Variants in MEP1A observed in about 807,000 individuals in gnomAD.
The protein encoded by MEP1A is N-benzoyl-L-tyrosyl-P-amino-benzoic acid hydrolase subunit alpha.
MEP1A carries 68 observed loss-of-function variants against 84.5 expected under a neutral mutation model. The observed-to-expected ratio is 0.80, with a 90% CI of 0.66 to 0.98. MEP1A has a LOEUF of 0.98. Ranked by LOEUF, MEP1A falls within the 50% of genes least tolerant of loss-of-function variation. The probability of loss-of-function intolerance (pLI) is 0.00; values close to 1 mark genes in which losing one functional copy is unlikely to be tolerated. For synonymous variants in MEP1A, 337 were observed against 336.8 expected, an observed-to-expected ratio of 1.00 and a Z score of -0.01; for missense variants, 887 against 919.9, an observed-to-expected ratio of 0.96 and a Z score of 0.46.
intron 9 of MEP1A, 136 bp downstream of exon 9, chr6:46,826,639 T>G: frequency 1.4e-6 from 1 of 712,700 alleles, no homozygotes; most frequent in Non-Finnish European, 2.1e-6. Flanking sequence ...AAAACATTTC[T>G]TATATCTTCA....
At chr6:46,831,248 C>T (rs1404476856) in intron 10 of MEP1A, among the ~76,000 whole-genome samples, 2 of 152,094 alleles carry the variant, frequency 1.3e-5, no homozygotes, top group Admixed American at 6.5e-5. Flanking sequence ...ATTTGAATAG[C>T]TTTTAAGTTT....
At chr6:46,796,983 T>C (rs527624262) in intron 3 of MEP1A, among the ~76,000 whole-genome samples, 1 of 152,362 alleles carries the variant, frequency 6.6e-6, no homozygotes, top group African/African-American at 2.4e-5. Context: ...TTAATCGTAC[T>C]GCTACCATAA....
At chr6:46,838,392 A>T (rs1210133435) in intron 13 of MEP1A, among the ~76,000 whole-genome samples, 1 of 152,210 alleles carries the variant, frequency 6.6e-6, no homozygotes, top group African/African-American at 2.4e-5. Flanking sequence ...GCTGGCCATT[A>T]TGTGCTTACT....
Position 46,833,002 on chromosome 6 carries a change from T to C in MEP1A, c.1145-72T>C. On this transcript the variant is annotated intron_variant, in intron 10 of 13. Transcript: ENST00000230588. ...ATAATTTATGGAAAGCACATGGCAC[T>C]GTGCCAAACTCATAATAAGTACTCA... 6 of 830,156 alleles carry C rather than the reference T, an allele frequency of 7.2e-6. No individual in the cohort carries two copies. The East Asian group carries it at 1.2e-4, about 17-fold the overall frequency. 51.4% of individuals were successfully genotyped at this position (830,156 alleles called of 1,614,324 possible).
In MEP1A at chr6:46,799,138, C is replaced by T; in HGVS notation, c.219C>T (p.Thr73=). 6.2e-7 allele frequency: 1 copy of T among 1,613,266 alleles called. No individual in the cohort carries two copies. The highest frequency in any genetic ancestry group is 2.2e-5 in the East Asian group (1 of 44,860). ...KSRNGLRDPN[T]RWTFPIPYIL... is the part of the protein sequence containing the mutation. ...GAAATGGCCTGAGAGACCCAAACAC[C>T]AGGTGGACGTTCCCCATTCCTTACA... Residue 73 remains threonine (T), a synonymous_variant, in exon 5 of 14, where the codon ACC becomes ACT. Coordinates refer to ENST00000230588, the MANE Select transcript of MEP1A (RefSeq NM_005588.3).
chr6:46,800,926 C>T lies in MEP1A; in HGVS notation c.262+1745C>T, dbSNP rs148038267. 4.7e-4 allele frequency among the ~76,000 whole-genome samples: 71 copies of T among 152,250 alleles called. 1 individual carries two copies. In the East Asian group the frequency reaches 8.7e-3, roughly 19 times the overall value. ...TACCATAGTATTTGTTTTATAAATACTATGTGTCTGGCTTCTTTGACTTAT... is the reference window on the plus strand; with the variant it reads ...TACCATAGTATTTGTTTTATAAATATTATGTGTCTGGCTTCTTTGACTTAT... On this transcript the variant is annotated intron_variant, in intron 5 of 13. Transcript: ENST00000230588.
chr6:46,833,385 T>A lies in MEP1A; in HGVS notation c.1456T>A (p.Phe486Ile). 1 of 1,614,168 alleles carries A rather than the reference T, an allele frequency of 6.2e-7. No homozygotes were observed. The highest frequency in any genetic ancestry group is 8.5e-7 in the Non-Finnish European group (1 of 1,180,026). ...AAGCTCTGGTTACTTGAGACTTGCT[T>A]TTCATGTGTGCAGTGGGGAGAACGA... ...RESSGYLRLAFHVCSGENDAI... is the reference protein window; with the variant it reads ...RESSGYLRLAIHVCSGENDAI... Residue 486 changes from phenylalanine (F) to isoleucine (I), a missense_variant, in exon 11 of 14, where the codon TTT (phenylalanine) becomes ATT (isoleucine). Transcript: ENST00000230588.
At chr6:46,814,309 A>G (rs1448600037) in intron 6 of MEP1A, among the ~76,000 whole-genome samples, 4 of 151,940 alleles carry the variant, frequency 2.6e-5, no homozygotes, top group Admixed American at 1.3e-4. Flanking sequence ...GAGCACTAAG[A>G]TTCTTTCTTC....
At chr6:46,801,312 T>G (rs1174701114) in intron 5 of MEP1A, among the ~76,000 whole-genome samples, 1 of 152,132 alleles carries the variant, frequency 6.6e-6, no homozygotes, top group Non-Finnish European at 1.5e-5. Flanking sequence ...TTATAGCCAT[T>G]TTAGTAGTTG....
intron 12 of MEP1A, 61 bp downstream of exon 12, chr6:46,834,812 T>A (rs1476600384): frequency 1.5e-6 from 2 of 1,355,792 alleles, no homozygotes; most frequent in African/African-American, 2.9e-5. Context: ...ACTGATTTTA[T>A]CCTGATTTTT....
At chr6:46,831,171 C>T (rs570018495) in intron 10 of MEP1A, among the ~76,000 whole-genome samples, 296 of 152,136 alleles carry the variant, frequency 1.9e-3, no homozygotes, top group African/African-American at 6.7e-3. Flanking sequence ...TGAAACTTTT[C>T]AAAAAGGTTA....
At chr6:46,834,887 C>T (rs1327922177) in intron 12 of MEP1A, 136 bp downstream of exon 12, 1 of 657,044 alleles carries the variant, frequency 1.5e-6, no homozygotes, top group African/African-American at 1.8e-5. Context: ...ACATTTTATT[C>T]AATTGGTCAA....
intron 5 of MEP1A, among the ~76,000 whole-genome samples, chr6:46,807,203 T>C (rs1393233889): frequency 1.3e-5 from 2 of 152,002 alleles, no homozygotes; most frequent in African/African-American, 4.8e-5. Context: ...TTAACTCTTC[T>C]TATATTATTT....
intron 5 of MEP1A, among the ~76,000 whole-genome samples, chr6:46,805,399 G>T (rs999448833): frequency 6.6e-6 from 1 of 151,804 alleles, no homozygotes; most frequent in African/African-American, 2.4e-5. Context: ...TTTCCATTAT[G>T]ACTAGTAATG....
the MEP1A span, among the ~76,000 whole-genome samples, chr6:46,845,007 C>T: frequency 6.6e-6 from 1 of 152,214 alleles, no homozygotes; most frequent in South Asian, 2.1e-4. Flanking sequence ...AGTCTTGCTA[C>T]CATGTAAGAC....
At chr6:46,821,270 A>T (rs75455270) in intron 7 of MEP1A, among the ~76,000 whole-genome samples, 5,976 of 152,206 alleles carry the variant, frequency 0.039, 418 homozygotes, top group African/African-American at 0.14. Flanking sequence ...TGTAACTTAT[A>T]ATAGTCTAAT....
At chr6:46,828,746 A>G (rs1768004279) in intron 9 of MEP1A, among the ~76,000 whole-genome samples, 1 of 152,046 alleles carries the variant, frequency 6.6e-6, no homozygotes, top group South Asian at 2.1e-4. Flanking sequence ...GACACTTTTC[A>G]CCCTCTTCAG....
chr6:46,820,560 A>AT (rs929607653), intron 7 of MEP1A, among the ~76,000 whole-genome samples: 2 of 152,016 alleles, frequency 1.3e-5, no homozygotes, highest in Admixed American at 6.6e-5. Context: ...CTAATTCTGT[A>AT]TTTTTTAAGT....
chr6:46,824,537 C>A (rs957129887), intron 7 of MEP1A, among the ~76,000 whole-genome samples: 2 of 136,778 alleles, frequency 1.5e-5, no homozygotes, highest in African/African-American at 2.7e-5. Flanking sequence ...AAATTATCAT[C>A]TATTTAATAT....
Sources: allele counts gnomAD v4.1 joint callset (sites outside exome capture counted in the v4.1 genomes callset), GRCh38; gene constraint gnomAD v4.1.1; transcripts MANE v1.5; gene names NCBI Gene and HGNC (gene_info 2026-07-23, HGNC 2026-07-21).